The following SASH1 variants were observed in gnomAD, a reference collection of about 807,000 sequenced individuals.
The protein encoded by SASH1 is SAM and SH3 domain containing 1.
SASH1 carries 44 observed loss-of-function variants against 125.2 expected under a neutral mutation model. That is an observed-to-expected ratio of 0.35 (90% CI 0.28 to 0.45). The LOEUF is 0.45. Among genes scored for constraint, SASH1 ranks in the 20% least tolerant of loss-of-function variants. SASH1 has a pLI of 1.00. For missense variants in SASH1, 1,426 were observed against 1,614.5 expected (o/e 0.88, Z 2.00); for synonymous variants, 639 against 649.1 (o/e 0.98, Z 0.24).
chr6:148,471,544 C>CT, intron 6 of SASH1, 41 bp downstream of exon 6: 1 of 1,191,738 alleles, frequency 8.4e-7, no homozygotes, highest in Non-Finnish European at 1.2e-6. Context: ...CCTTTTAGCT[C>CT]TAACATGGGA....
intron 1 of SASH1, among the ~76,000 whole-genome samples, chr6:148,374,710 G>T (rs73009526): frequency 6.6e-5 from 10 of 151,384 alleles, no homozygotes; most frequent in South Asian, 6.3e-4. Context: ...TTTTTGGGGG[G>T]GGGGGAGATG....
At chr6:148,310,821 A>C (rs1780306630) in intron 1 of SASH1, among the ~76,000 whole-genome samples, 2 of 152,234 alleles carry the variant, frequency 1.3e-5, no homozygotes, top group African/African-American at 4.8e-5. Flanking sequence ...TTTAAAAAAA[A>C]AGGCTGGTAA....
At chr6:148,415,990 G>T (rs896418545) in intron 2 of SASH1, among the ~76,000 whole-genome samples, 15 of 152,204 alleles carry the variant, frequency 9.9e-5, no homozygotes, top group African/African-American at 3.4e-4. Flanking sequence ...CGGTAAAGGA[G>T]ATCCCACACT....
rs1461539080 is a variant in SASH1 at position 148,548,366 on chromosome 6, T to C, written c.3552T>C (p.Asp1184=). The C allele has an allele frequency of 4.3e-6, 7 of 1,614,162 alleles. No individual in the cohort carries two copies. Among genetic ancestry groups the C allele is most frequent in the Non-Finnish European group, 5.9e-6 (7 of 1,180,054 alleles). The change falls in exon 20 of 20, where the codon GAT becomes GAC. Residue 1184 remains aspartate (D), a synonymous_variant. Coordinates refer to ENST00000367467, the MANE Select transcript of SASH1 (RefSeq NM_015278.5). The part of the protein sequence containing the change: ...VSPGCISSVS[D]WLISIGLPMY... ...CTGGGTGCATTTCGTCTGTGTCAGA[T>C]TGGCTCATTTCCATCGGTCTGCCCA... is the stretch of plus-strand genomic sequence containing the variant.
intron 2 of SASH1, among the ~76,000 whole-genome samples, chr6:148,417,216 G>T (rs1354646915): frequency 6.6e-6 from 1 of 152,190 alleles, no homozygotes; most frequent in Non-Finnish European, 1.5e-5. Context: ...CAGAGACTCA[G>T]GAAGCTAAAG....
Position 148,411,166 on chromosome 6 carries a change from C to CAAAAAAAAAAAAAAAAAAA in SASH1, c.285+20916_285+20934dup, listed in dbSNP as rs56342457. On this transcript the variant is annotated intron_variant, in intron 2 of 19. Coordinates refer to ENST00000367467, the MANE Select transcript of SASH1 (RefSeq NM_015278.5). The stretch of plus-strand genomic sequence containing the variant: ...TACAACAAGAGCGAAACTCCATCTC[C>CAAAAAAAAAAAAAAAAAAA]AAAAAAAAAAAAAAAAAAAAAAAAA... Among the ~76,000 whole-genome samples the CAAAAAAAAAAAAAAAAAAA allele has an allele frequency of 2.8e-4, 13 of 46,182 alleles. 1 individual carries two copies. Among genetic ancestry groups the CAAAAAAAAAAAAAAAAAAA allele is most frequent in the Non-Finnish European group, 4.5e-4 (12 of 26,404 alleles). 30.3% of individuals were successfully genotyped at this position (46,182 alleles called of 152,430 possible).
At chr6:148,497,754 CATA>C (rs1191739702) in intron 8 of SASH1, among the ~76,000 whole-genome samples, 1 of 152,188 alleles carries the variant, frequency 6.6e-6, no homozygotes, top group Non-Finnish European at 1.5e-5. Context: ...TTACCAAACA[CATA>C]ATCAATTTAT....
At chr6:148,502,424 T>G (rs1347347094) in intron 8 of SASH1, among the ~76,000 whole-genome samples, 1 of 152,220 alleles carries the variant, frequency 6.6e-6, no homozygotes, top group Non-Finnish European at 1.5e-5. Context: ...TAAACACACT[T>G]TCAAGTAACT....
At chr6:148,244,519 G>A in the SASH1 span, among the ~76,000 whole-genome samples, 1 of 152,224 alleles carries the variant, frequency 6.6e-6, no homozygotes, top group Admixed American at 6.5e-5. Context: ...GACATTTAGA[G>A]AGTGGGCCAG....
At chr6:148,351,592 C>A (rs1485315175) in intron 1 of SASH1, among the ~76,000 whole-genome samples, 1 of 148,722 alleles carries the variant, frequency 6.7e-6, no homozygotes, top group Non-Finnish European at 1.5e-5. Flanking sequence ...AAGTAAAGAG[C>A]CATTGAGGAG....
chr6:148,460,488 C>CACTTCAT (rs1777565795), intron 4 of SASH1, among the ~76,000 whole-genome samples: 1 of 152,212 alleles, frequency 6.6e-6, no homozygotes, highest in Admixed American at 6.5e-5. Flanking sequence ...TCAACGTCCA[C>CACTTCAT]ACTTCATACC....
chr6:148,399,308 C>T (rs983403187), intron 2 of SASH1, among the ~76,000 whole-genome samples: 3 of 148,728 alleles, frequency 2.0e-5, no homozygotes, highest in Admixed American at 6.8e-5. Context: ...ACCTCCACCT[C>T]CCGGGTTCAA....
At chr6:148,272,223 G>A (rs1315826569), upstream of SASH1, 1 of 382,484 alleles carries the variant, frequency 2.6e-6, no homozygotes, top group Non-Finnish European at 5.8e-6. Context: ...CTAGGGCTGT[G>A]AGAGTGTCCC....
intron 1 of SASH1, among the ~76,000 whole-genome samples, chr6:148,277,404 C>T (rs1779217325): frequency 6.6e-6 from 1 of 152,218 alleles, no homozygotes; most frequent in South Asian, 2.1e-4. Flanking sequence ...CGTGCTCCGA[C>T]CAGCCAGCTG....
chr6:148,211,041 T>A, the SASH1 span, among the ~76,000 whole-genome samples: 2 of 152,222 alleles, frequency 1.3e-5, no homozygotes, highest in Non-Finnish European at 2.9e-5. Context: ...ATTATGAAAC[T>A]ATGGCCCAGC....
At chr6:148,341,186 T>G (rs1781309948), upstream of SASH1, among the ~76,000 whole-genome samples, 1 of 152,080 alleles carries the variant, frequency 6.6e-6, no homozygotes, top group African/African-American at 2.4e-5. Flanking sequence ...AGTCTTCCTC[T>G]GTCACCCAGG....
At position 148,546,066 on chromosome 6, in the gene SASH1, T is replaced by C; in HGVS notation, c.3400T>C (p.Leu1134=). The C allele has an allele frequency of 6.2e-7, 1 of 1,614,270 alleles. No individual in the cohort carries two copies. Among genetic ancestry groups the C allele is most frequent in the Non-Finnish European group, 8.5e-7 (1 of 1,180,050 alleles). The part of the protein sequence containing the change: ...EALVQRYAED[L]DQPERDVAAN... ...CCTGGTGCAGAGATACGCAGAGGAC[T>C]TGGATCAGCCCGAGCGGGACGTCGC... The change falls in exon 19 of 20, where the codon TTG becomes CTG. Residue 1134 remains leucine (L), a synonymous_variant. Transcript: ENST00000367467.
At chr6:148,467,998 T>C (rs1041087006) in intron 4 of SASH1, among the ~76,000 whole-genome samples, 7 of 152,316 alleles carry the variant, frequency 4.6e-5, no homozygotes, top group African/African-American at 1.7e-4. Flanking sequence ...GGATGGACAT[T>C]GCACTTGCCA....
chr6:148,316,439 G>A (rs1214534987), intron 1 of SASH1, among the ~76,000 whole-genome samples: 1 of 152,194 alleles, frequency 6.6e-6, no homozygotes, highest in African/African-American at 2.4e-5. Flanking sequence ...ATGTATTCCA[G>A]CCAGGGACAA....
Sources: gnomAD v4.1 joint callset for allele counts (sites outside exome capture counted in the v4.1 genomes callset) on GRCh38, gnomAD v4.1.1 for gene constraint, MANE v1.5 for transcripts, NCBI Gene and HGNC (gene_info 2026-07-23, HGNC 2026-07-21) for gene names.